ANKS1B: variants seen among roughly 807,000 people sequenced by gnomAD.
The protein encoded by ANKS1B is ankyrin repeat and sterile alpha motif domain-containing protein 1B.
Under a neutral mutation model 148.3 loss-of-function variants are expected in ANKS1B, and 36 were observed. The observed-to-expected ratio is 0.24, with a 90% CI of 0.19 to 0.32. The LOEUF is 0.32. Among genes scored for constraint, ANKS1B ranks in the 10% least tolerant of loss-of-function variants. The pLI is 1.00. For missense variants in ANKS1B, 1,157 were observed against 1,542.6 expected (o/e 0.75, Z 4.19); for synonymous variants, 542 against 560.8 (o/e 0.97, Z 0.47).
chr12:99,632,767 A>ATATATATATATATATTT (rs1441486862), intron 9 of ANKS1B, among the ~76,000 whole-genome samples: 1 of 71,334 alleles, frequency 1.4e-5, no homozygotes, highest in Non-Finnish European at 2.9e-5. Context: ...ATATATATAT[A>ATATATATATATATATTT]TTTTAATTAT....
At chr12:98,778,782 G>A (rs546812426) in intron 24 of ANKS1B, among the ~76,000 whole-genome samples, 10 of 152,166 alleles carry the variant, frequency 6.6e-5, no homozygotes, top group African/African-American at 1.9e-4. Flanking sequence ...CCACCAATAC[G>A]GCCTTCCACT....
chr12:98,878,245 C>T (rs997809636), intron 17 of ANKS1B, among the ~76,000 whole-genome samples: 1 of 151,018 alleles, frequency 6.6e-6, no homozygotes, highest in Non-Finnish European at 1.5e-5. Flanking sequence ...AAAAAAACAC[C>T]TCACTCTGGT....
intron 9 of ANKS1B, among the ~76,000 whole-genome samples, chr12:99,646,407 C>G (rs896347797): frequency 6.6e-6 from 1 of 151,966 alleles, no homozygotes; most frequent in Non-Finnish European, 1.5e-5. Flanking sequence ...ACCTGTAATC[C>G]CAGCACTTGG....
intron 12 of ANKS1B, among the ~76,000 whole-genome samples, chr12:99,370,566 G>A (rs2093072867): frequency 6.6e-6 from 1 of 152,128 alleles, no homozygotes; most frequent in South Asian, 2.1e-4. Flanking sequence ...TATAGTCACA[G>A]CACATTTTCC....
intron 9 of ANKS1B, among the ~76,000 whole-genome samples, chr12:99,653,909 C>T (rs1274948669): frequency 6.6e-6 from 1 of 152,090 alleles, no homozygotes; most frequent in African/African-American, 2.4e-5. Context: ...AGCAATCCAC[C>T]CTCCTCGGCC....
intron 4 of ANKS1B, among the ~76,000 whole-genome samples, chr12:99,799,985 G>C (rs944056333): frequency 1.2e-4 from 18 of 152,130 alleles, no homozygotes; most frequent in African/African-American, 4.1e-4. Context: ...GAAATTACCT[G>C]ACTGAATGGG....
chr12:99,302,300 T>C (rs1162048929), intron 12 of ANKS1B, among the ~76,000 whole-genome samples: 1 of 152,144 alleles, frequency 6.6e-6, no homozygotes, highest in Non-Finnish European at 1.5e-5. Flanking sequence ...ATTTAAAACA[T>C]GATGCTATTT....
chr12:99,537,579 T>C (rs2097084123), intron 9 of ANKS1B, among the ~76,000 whole-genome samples: 1 of 152,226 alleles, frequency 6.6e-6, no homozygotes. Flanking sequence ...GAAATGTATA[T>C]TCAAATCTTT....
rs117860846 is a variant in ANKS1B at position 99,579,104 on chromosome 12, C to T, written c.1273-74463G>A. 6.6e-5 allele frequency among the ~76,000 whole-genome samples: 10 copies of T among 152,150 alleles called. No individual in the cohort carries two copies. In the East Asian group the frequency reaches 1.7e-3, roughly 26 times the overall value. On this transcript the variant is annotated intron_variant, in intron 9 of 26. Coordinates refer to ENST00000683438, the MANE Select transcript of ANKS1B (RefSeq NM_001352186.2). Reference sequence around the variant, plus strand: ...ACAATAACAAGCAATGGGGAAAGGACACCCTATTCTATAAATTGTGCTGGA... The same window carrying T: ...ACAATAACAAGCAATGGGGAAAGGATACCCTATTCTATAAATTGTGCTGGA...
chr12:98,968,043 A>C (rs529963765), intron 17 of ANKS1B, among the ~76,000 whole-genome samples: 3 of 152,322 alleles, frequency 2.0e-5, no homozygotes, highest in Non-Finnish European at 4.4e-5. Flanking sequence ...TCATGGTGGA[A>C]GACAGGGAAA....
chr12:99,375,346 T>C (rs1384997530), intron 12 of ANKS1B, among the ~76,000 whole-genome samples: 1 of 152,194 alleles, frequency 6.6e-6, no homozygotes, highest in African/African-American at 2.4e-5. Context: ...TGTATATCAT[T>C]GCTATAAGGG....
At chr12:99,365,181 C>T (rs1027111718) in intron 12 of ANKS1B, among the ~76,000 whole-genome samples, 1 of 152,154 alleles carries the variant, frequency 6.6e-6, no homozygotes, top group African/African-American at 2.4e-5. Context: ...CCTCCTGCAG[C>T]TCCTGCCGCC....
chr12:99,703,505 ATAT>A (rs1326013702), intron 8 of ANKS1B, among the ~76,000 whole-genome samples: 2 of 152,124 alleles, frequency 1.3e-5, no homozygotes, highest in Non-Finnish European at 2.9e-5. Context: ...TCCCTGAAAC[ATAT>A]TATCCTGTTT....
chr12:99,642,385 C>A (rs546808711), intron 9 of ANKS1B, among the ~76,000 whole-genome samples: 1 of 152,222 alleles, frequency 6.6e-6, no homozygotes, highest in Admixed American at 6.5e-5. Context: ...GCCACTGTAA[C>A]AAACCGCCAC....
In ANKS1B at chr12:98,745,420, C is replaced by T. The variant is rs1431996766; in HGVS notation, c.*319G>A. The T allele has an allele frequency of 1.0e-6, 1 of 980,922 alleles. No homozygotes were observed. Among genetic ancestry groups the T allele is most frequent in the African/African-American group, 1.9e-5 (1 of 51,680 alleles). 60.8% of individuals were successfully genotyped at this position (980,922 alleles called of 1,614,324 possible). A position where few individuals can be genotyped will look rare whatever the true frequency, so the allele number is the denominator to read the frequency against. Reference sequence around the variant, plus strand: ...TTTTTAAAGAAAAGGTATTATTTTCCCCAAATGAAGCAAAGCAAGTACTGG... The same window carrying T: ...TTTTTAAAGAAAAGGTATTATTTTCTCCAAATGAAGCAAAGCAAGTACTGG... On this transcript the variant is annotated 3_prime_UTR_variant, in exon 27 of 27. Coordinates refer to ENST00000683438, the MANE Select transcript of ANKS1B (RefSeq NM_001352186.2).
At chr12:99,273,739 G>T (rs968988844) in intron 12 of ANKS1B, among the ~76,000 whole-genome samples, 15 of 150,542 alleles carry the variant, frequency 1.0e-4, no homozygotes, top group African/African-American at 3.5e-4. Context: ...ACCACACCCG[G>T]CTAATTTTTT....
At chr12:99,545,098 G>T (rs996268886) in intron 9 of ANKS1B, among the ~76,000 whole-genome samples, 4 of 152,062 alleles carry the variant, frequency 2.6e-5, no homozygotes, top group Non-Finnish European at 5.9e-5. Context: ...ATGATTAATT[G>T]CACAGGACAT....
chr12:99,776,711 G>T (rs111872969), intron 6 of ANKS1B, among the ~76,000 whole-genome samples: 1 of 151,456 alleles, frequency 6.6e-6, no homozygotes, highest in Non-Finnish European at 1.5e-5. Context: ...ATGGATTCTC[G>T]CTCTGTCGCC....
At chr12:99,845,342 G>A (rs545017322) in intron 1 of ANKS1B, among the ~76,000 whole-genome samples, 1 of 152,242 alleles carries the variant, frequency 6.6e-6, no homozygotes, top group Admixed American at 6.5e-5. Context: ...TGCTCACTCA[G>A]TATAATATTG....
Sources: allele counts gnomAD v4.1 joint callset (sites outside exome capture counted in the v4.1 genomes callset), GRCh38; gene constraint gnomAD v4.1.1; transcripts MANE v1.5; gene names NCBI Gene and HGNC (gene_info 2026-07-23, HGNC 2026-07-21).